The following ARID4B variants were observed in gnomAD, a reference collection of about 807,000 sequenced individuals.
ARID4B encodes the protein AT-rich interactive domain-containing protein 4B.
ARID4B carries 26 observed loss-of-function variants against 147.5 expected under a neutral mutation model. That is an observed-to-expected ratio of 0.18 (90% CI 0.13 to 0.24). The LOEUF (loss-of-function observed/expected upper bound fraction) is 0.24, where lower values mean the gene tolerates loss of function less well. Ranked by LOEUF, ARID4B falls within the 10% of genes least tolerant of loss-of-function variation. The pLI is 1.00. For synonymous variants in ARID4B, 512 were observed against 507.9 expected (o/e 1.01, Z -0.11); for missense variants, 1,179 against 1,511.5 (o/e 0.78, Z 3.65).
chr1:235,265,474 G>A (rs1435961775), intron 2 of ARID4B, among the ~76,000 whole-genome samples: 2 of 151,900 alleles, frequency 1.3e-5, no homozygotes, highest in East Asian at 1.9e-4. Flanking sequence ...CTAAGTGGGC[G>A]GACTGCTTGA....
intron 2 of ARID4B, among the ~76,000 whole-genome samples, chr1:235,282,555 A>G (rs1027341766): frequency 6.6e-6 from 1 of 152,144 alleles, no homozygotes; most frequent in Admixed American, 6.6e-5. Context: ...TAACCTGGAA[A>G]CCATAACACT....
chr1:235,316,239 G>A (rs1023621312), intron 2 of ARID4B, among the ~76,000 whole-genome samples: 2 of 152,138 alleles, frequency 1.3e-5, no homozygotes, highest in African/African-American at 4.8e-5. Context: ...GGGGTGCAGT[G>A]GCTCACACCT....
intron 2 of ARID4B, among the ~76,000 whole-genome samples, chr1:235,325,155 G>A (rs1021391826): frequency 7.9e-5 from 12 of 152,150 alleles, no homozygotes; most frequent in Admixed American, 5.9e-4. Context: ...ATAACAGGAA[G>A]TACTTGTATG....
chr1:235,204,295 C>T (rs1571968991), intron 17 of ARID4B, among the ~76,000 whole-genome samples: 1 of 152,236 alleles, frequency 6.6e-6, no homozygotes, highest in East Asian at 1.9e-4. Context: ...GCACTCTAGC[C>T]TGGGTGACGG....
intron 17 of ARID4B, among the ~76,000 whole-genome samples, chr1:235,198,902 C>A (rs1203909519): frequency 6.6e-6 from 1 of 152,184 alleles, no homozygotes; most frequent in Non-Finnish European, 1.5e-5. Context: ...GAGTTCGAGA[C>A]CAGCCTGGCC....
At chr1:235,186,488 A>G (rs2382567) in intron 19 of ARID4B, among the ~76,000 whole-genome samples, 72,356 of 149,972 alleles carry the variant, frequency 0.48, 17,681 homozygotes, top group South Asian at 0.61. Context: ...TCAGTTCACT[A>G]CAACCTCCAC....
At chr1:235,173,793 T>TATATATATATATGTATACCTAAAAC (rs1663621002) in intron 22 of ARID4B, among the ~76,000 whole-genome samples, 12 of 71,000 alleles carry the variant, frequency 1.7e-4, no homozygotes, top group Non-Finnish European at 2.9e-4. Context: ...TATATATATA[T>TATATATATATATGTATACCTAAAAC]ATATATATAT....
intron 19 of ARID4B, among the ~76,000 whole-genome samples, chr1:235,191,627 A>G (rs1244975498): frequency 3.9e-5 from 6 of 152,124 alleles, no homozygotes; most frequent in African/African-American, 1.4e-4. Context: ...TGTCCAACTG[A>G]ATTCTCTAGA....
At position 235,268,596 on chromosome 1, in the gene ARID4B, T is replaced by C. The variant is rs180874216; in HGVS notation, c.7-7844A>G. Among the ~76,000 whole-genome samples the C allele has an allele frequency of 3.3e-5, 5 of 152,198 alleles. No homozygotes were observed. In the East Asian group the frequency reaches 7.7e-4, roughly 24 times the overall value. Reference sequence around the variant, plus strand: ...CAGGCTGGAGTGCAATGGTGTGATATCGGCTCACTGTAACCTCTGCCTCCC... The same window carrying C: ...CAGGCTGGAGTGCAATGGTGTGATACCGGCTCACTGTAACCTCTGCCTCCC... On this transcript the variant is annotated intron_variant, in intron 2 of 23. Coordinates refer to ENST00000264183, the MANE Select transcript of ARID4B (RefSeq NM_016374.6).
intron 4 of ARID4B, among the ~76,000 whole-genome samples, chr1:235,256,710 C>T (rs1670013036): frequency 6.6e-6 from 1 of 152,128 alleles, no homozygotes; most frequent in Non-Finnish European, 1.5e-5. Flanking sequence ...TTCAGATCAT[C>T]GTGGAACTGA....
intron 22 of ARID4B, among the ~76,000 whole-genome samples, chr1:235,174,380 G>A (rs1413562399): frequency 6.6e-6 from 1 of 152,108 alleles, no homozygotes; most frequent in Non-Finnish European, 1.5e-5. Context: ...TGCCTCAACT[G>A]CCTTAAAATT....
At chr1:235,276,844 CA>C (rs1242275931) in intron 2 of ARID4B, among the ~76,000 whole-genome samples, 3 of 151,588 alleles carry the variant, frequency 2.0e-5, no homozygotes, top group African/African-American at 4.8e-5. Flanking sequence ...ACTAAAAATA[CA>C]AAAAATTAGC....
chr1:235,259,969 C>A (rs1359453806), intron 3 of ARID4B, among the ~76,000 whole-genome samples: 1 of 152,154 alleles, frequency 6.6e-6, no homozygotes, highest in African/African-American at 2.4e-5. Flanking sequence ...AAGTTCCCTG[C>A]AAAAGGTTTG....
Position 235,255,664 on chromosome 1 carries a change from A to G in ARID4B, c.270T>C (p.Thr90=). The G allele has an allele frequency of 6.3e-7, 1 of 1,596,834 alleles. No individual in the cohort carries two copies. Among genetic ancestry groups the G allele is most frequent in the Non-Finnish European group, 8.5e-7 (1 of 1,171,048 alleles). The change falls in exon 5 of 24, where the codon ACT becomes ACC. Residue 90 remains threonine (T), a synonymous_variant. Coordinates refer to ENST00000264183, the MANE Select transcript of ARID4B (RefSeq NM_016374.6). ...INKLTDASWY[T]VVFDDGDEKT... is the part of the protein sequence containing the mutation. ...AAAGAAAATTTATTTTCTTACCTAC[A>G]GTGTACCAACTCGCATCTGTTAGTT...
intron 3 of ARID4B, among the ~76,000 whole-genome samples, chr1:235,259,729 G>A (rs1670185765): frequency 6.6e-6 from 1 of 152,148 alleles, no homozygotes; most frequent in Non-Finnish European, 1.5e-5. Flanking sequence ...GTGTAAATTA[G>A]AATCACCCAG....
At chr1:235,302,320 A>AGAAGGAGGG (rs928243859) in intron 2 of ARID4B, among the ~76,000 whole-genome samples, 1 of 118,684 alleles carries the variant, frequency 8.4e-6, no homozygotes, top group Non-Finnish European at 1.7e-5. Flanking sequence ...GAAGTGGAAG[A>AGAAGGAGGG]GAAGGAGGGG....
chr1:235,304,801 T>C (rs1673429782), intron 2 of ARID4B, among the ~76,000 whole-genome samples: 1 of 152,168 alleles, frequency 6.6e-6, no homozygotes, highest in Admixed American at 6.5e-5. Context: ...GCTAATTAAG[T>C]GTATTCTATG....
At chr1:235,267,297 C>T (rs1371831305) in intron 2 of ARID4B, among the ~76,000 whole-genome samples, 1 of 151,986 alleles carries the variant, frequency 6.6e-6, no homozygotes, top group East Asian at 1.9e-4. Flanking sequence ...CAAAACAAAA[C>T]AAAAAACCAT....
In ARID4B at chr1:235,242,041, A is replaced by T. The variant is rs994610332; in HGVS notation, c.447-1590T>A. ...GGCAGGTGGATCACCTGAGGTCAGG[A>T]GTTCGAGACCAGCCTGGCCAAAATG... On this transcript the variant is annotated intron_variant, in intron 7 of 23. Transcript: ENST00000264183. Among the ~76,000 whole-genome samples the T allele has an allele frequency of 2.0e-5, 3 of 152,026 alleles. No individual in the cohort carries two copies. The East Asian group carries it at 5.8e-4, about 30-fold the overall frequency.
Sources: allele counts gnomAD v4.1 joint callset (sites outside exome capture counted in the v4.1 genomes callset), GRCh38; gene constraint gnomAD v4.1.1; transcripts MANE v1.5; gene names NCBI Gene and HGNC (gene_info 2026-07-23, HGNC 2026-07-21).